VPS33B: variants seen among roughly 807,000 people sequenced by gnomAD.
VPS33B encodes VPS33B late endosome and lysosome associated.
A neutral mutation model predicts 95.3 loss-of-function variants in VPS33B; 80 were observed. The observed-to-expected ratio is 0.84, with a 90% CI of 0.70 to 1.01. The LOEUF (loss-of-function observed/expected upper bound fraction) is 1.01. Among genes scored for constraint, VPS33B ranks in the 50% least tolerant of loss-of-function variants. The pLI, the probability that VPS33B is intolerant of heterozygous loss-of-function variation, is 0.00. For synonymous variants in VPS33B, 280 were observed against 280.4 expected, an observed-to-expected ratio of 1.00 and a Z score of 0.01; for missense variants, 715 against 773.4, an observed-to-expected ratio of 0.92 and a Z score of 0.90.
intron 2 of VPS33B, 64 bp downstream of exon 2, chr15:91,017,741 T>C: frequency 6.8e-7 from 1 of 1,476,566 alleles, no homozygotes; most frequent in East Asian, 2.3e-5. Flanking sequence ...CAGTAGTTTG[T>C]ATTGTTCATC....
In VPS33B at chr15:91,010,120, CTTCAAAAGG is replaced by C. The variant is rs140099541; in HGVS notation, c.358-283_358-275del. On this transcript the variant is annotated intron_variant, in intron 5 of 22. Coordinates refer to ENST00000333371, the MANE Select transcript of VPS33B (RefSeq NM_018668.5). This position sits in a 1 kb window ranked among gnomAD's most constrained non-coding sequence, Gnocchi z 5.7. ...TACAAAGGAGAAGGAGTTCAGCTGT[CTTCAAAAGG>C]TAAGTTGTACAGACAGAGATGAGAG... Among the ~76,000 whole-genome samples the C allele has an allele frequency of 0.01, 1,552 of 152,294 alleles. 25 individuals are homozygous for C. Among genetic ancestry groups the C allele is most frequent in the African/African-American group, 0.035 (1,456 of 41,550 alleles).
chr15:91,000,400 T>TAAAAA lies in VPS33B; in HGVS notation c.1581+85_1581+89dup. On this transcript the variant is annotated intron_variant, in intron 20 of 22. Transcript: ENST00000333371. This position sits in a 1 kb window ranked among gnomAD's most constrained non-coding sequence, Gnocchi z 4.9. ...TGACAGAGCAAGACTCCATCTCAAA[T>TAAAAA]AAAAAAAAAAAAACATTGAGACACG... is the stretch of plus-strand genomic sequence containing the variant. 9.7e-7 allele frequency: 1 copy of TAAAAA among 1,029,588 alleles called. No homozygotes were observed. Among genetic ancestry groups the TAAAAA allele is most frequent in the Non-Finnish European group, 1.4e-6 (1 of 733,996 alleles). The allele number at this position is 1,029,588 out of a possible 1,614,324, so 63.8% of individuals were successfully genotyped here. A position where few individuals can be genotyped will look rare whatever the true frequency, so the allele number is the denominator to read the frequency against.
intron 4 of VPS33B, 137 bp downstream of exon 4, chr15:91,014,247 C>T (rs945775459): frequency 1.5e-5 from 11 of 725,856 alleles, no homozygotes; most frequent in South Asian, 3.5e-5. Context: ...AAAAAAGAAG[C>T]GGGGAAGCAG....
rs368749853 is a variant in VPS33B, at chr15:91,007,890, A to G, written c.478T>C (p.Phe160Leu). 5.6e-6 allele frequency: 9 copies of G among 1,614,068 alleles called. No homozygotes were observed. In the African/African-American group the frequency reaches 1.1e-4, roughly 19 times the overall value. Residue 160 changes from phenylalanine to leucine, a missense_variant, in exon 7 of 23, where the codon TTT becomes CTT. By Grantham distance (22) the Phe-to-Leu change is conservative. Transcript: ENST00000333371. The surrounding 1 kb of genome is among the most constrained non-coding windows in gnomAD (Gnocchi z 5.3). ...TTTACCAGAAAGTAATCCCTGAAAA[A>G]TTCTGGTAGTTCCATGCTCAGCAGA... The part of the protein sequence containing the change: ...VDLLSMELPE[F>L]FRDYFLEGDQ...
At chr15:91,021,463 A>C (rs1400149374) in intron 1 of VPS33B, among the ~76,000 whole-genome samples, 1 of 151,976 alleles carries the variant, frequency 6.6e-6, no homozygotes, top group African/African-American at 2.4e-5. Flanking sequence ...GTGGGCCTTT[A>C]TTTCTTGTCT....
Position 91,005,384 on chromosome 15 carries a change from C to T in VPS33B, c.1101G>A (p.Glu367=). The T allele has an allele frequency of 6.2e-7, 1 of 1,614,156 alleles. No homozygotes were observed. Among genetic ancestry groups the T allele is most frequent in the Non-Finnish European group, 8.5e-7 (1 of 1,180,020 alleles). Residue 367 remains glutamate, a synonymous_variant, in exon 14 of 23, where the codon GAG becomes GAA. Transcript: ENST00000333371. The surrounding 1 kb of genome is among the most constrained non-coding windows in gnomAD (Gnocchi z 6.4). ...KQDFQELIKT[E]HALLEGFNIR... Reference sequence around the variant, plus strand: ...CAGCAAGGCTGCGGCAGTTACCATGCTCAGTCTTGATTAGCTCCTGGAAAT... The same window carrying T: ...CAGCAAGGCTGCGGCAGTTACCATGTTCAGTCTTGATTAGCTCCTGGAAAT...
chr15:91,014,331 T>A, intron 4 of VPS33B, 53 bp downstream of exon 4: 2 of 1,596,640 alleles, frequency 1.3e-6, no homozygotes, highest in South Asian at 1.1e-5. Context: ...CCAAGGCCCT[T>A]AGATTTTGCC....
intron 3 of VPS33B, among the ~76,000 whole-genome samples, chr15:91,014,858 G>A (rs1596367237): frequency 6.6e-6 from 1 of 151,798 alleles, no homozygotes; most frequent in South Asian, 2.1e-4. Flanking sequence ...AAGCCAAGGT[G>A]AGAAGATTGC....
At chr15:91,001,309 CAAA>C (rs35353020) in intron 19 of VPS33B, 77 bp downstream of exon 19, 3,596 of 764,494 alleles carry the variant, frequency 4.7e-3, no homozygotes, top group Non-Finnish European at 5.2e-3. Context: ...GATTCCATCT[CAAA>C]AAAAAAAAAA....
intron 1 of VPS33B, among the ~76,000 whole-genome samples, chr15:91,020,028 C>T (rs759485339): frequency 1.3e-5 from 2 of 152,136 alleles, no homozygotes; most frequent in African/African-American, 4.8e-5. Flanking sequence ...TGGTCTCGAA[C>T]TCCCAACCTC....
Position 91,002,255 on chromosome 15 carries a change from G to A in VPS33B, c.1273-73C>T. 2 of 1,590,340 alleles carry A rather than the reference G, an allele frequency of 1.3e-6. No homozygotes were observed. The highest frequency in any genetic ancestry group is 2.3e-5 in the East Asian group (1 of 44,432). Reference sequence around the variant, plus strand: ...TAGTACTGTCAGGTACTACAGAGTTGAGCAGAAGGACTATGAAGCCTCTGC... The same window carrying A: ...TAGTACTGTCAGGTACTACAGAGTTAAGCAGAAGGACTATGAAGCCTCTGC... On this transcript the variant is annotated intron_variant, in intron 17 of 22. Coordinates refer to ENST00000333371, the MANE Select transcript of VPS33B (RefSeq NM_018668.5). The surrounding 1 kb of genome is among the most constrained non-coding windows in gnomAD (Gnocchi z 4.7).
intron 18 of VPS33B, 51 bp downstream of exon 18, chr15:91,001,999 G>C: frequency 6.2e-7 from 1 of 1,612,426 alleles, no homozygotes; most frequent in Non-Finnish European, 8.5e-7. Context: ...TGCGTGTTGA[G>C]AGAAGTCAGG....
In VPS33B at chr15:91,011,881, C is replaced by G. The variant is rs1299811129; in HGVS notation, c.357+1923G>C. On this transcript the variant is annotated intron_variant, in intron 5 of 22. Transcript: ENST00000333371. The surrounding 1 kb of genome is among the most constrained non-coding windows in gnomAD (Gnocchi z 5.5). Reference sequence around the variant, plus strand: ...GTGCACATCTGTAGTCCCAGCTACTCGGGAAGCTGAGGCAGGAGAATTGCT... The same window carrying G: ...GTGCACATCTGTAGTCCCAGCTACTGGGGAAGCTGAGGCAGGAGAATTGCT... Among the ~76,000 whole-genome samples the G allele has an allele frequency of 1.3e-5, 2 of 151,902 alleles. No individual in the cohort carries two copies. The highest frequency in any genetic ancestry group is 4.8e-5 in the African/African-American group (2 of 41,372).
Position 91,006,647 on chromosome 15 carries a change from C to T in VPS33B, c.778+5G>A. 6.2e-7 allele frequency: 1 copy of T among 1,614,224 alleles called. No individual in the cohort carries two copies. Among genetic ancestry groups the T allele is most frequent in the Non-Finnish European group, 8.5e-7 (1 of 1,180,042 alleles). On this transcript the variant is annotated splice_donor_5th_base_variant and intron_variant, in intron 10 of 22. Transcript: ENST00000333371. The surrounding 1 kb of genome is among the most constrained non-coding windows in gnomAD (Gnocchi z 5.4). Reference sequence around the variant, plus strand: ...TGCCAAGATGCAGAGGACCATAGCACTTACCACACTTGATGCGGAAGGTGT... The same window carrying T: ...TGCCAAGATGCAGAGGACCATAGCATTTACCACACTTGATGCGGAAGGTGT...
In VPS33B at chr15:91,010,898, T is replaced by C. The variant is rs2040760670; in HGVS notation, c.358-1052A>G. Reference sequence around the variant, plus strand: ...CAACGGAGACCTGAGGGAGACTAGATGAAACGATGAAGGTGGAGATGAGGA... The same window carrying C: ...CAACGGAGACCTGAGGGAGACTAGACGAAACGATGAAGGTGGAGATGAGGA... On this transcript the variant is annotated intron_variant, in intron 5 of 22. Transcript: ENST00000333371. The surrounding 1 kb of genome is among the most constrained non-coding windows in gnomAD (Gnocchi z 5.7). Among the ~76,000 whole-genome samples, 1 of 151,906 alleles carries C rather than the reference T, an allele frequency of 6.6e-6. No individual in the cohort carries two copies. The highest frequency in any genetic ancestry group is 6.6e-5 in the Admixed American group (1 of 15,250).
In VPS33B at chr15:91,007,778, T is replaced by G; in HGVS notation, c.498+92A>C. ...TATCACTTGTGATAAATTACTTGCG[T>G]TGGACAAAGGTTATATTGGTATTTC... On this transcript the variant is annotated intron_variant, in intron 7 of 22. Coordinates refer to ENST00000333371, the MANE Select transcript of VPS33B (RefSeq NM_018668.5). The surrounding 1 kb of genome is among the most constrained non-coding windows in gnomAD (Gnocchi z 5.3). 1 of 1,331,034 alleles carries G rather than the reference T, an allele frequency of 7.5e-7. No homozygotes were observed. The highest frequency in any genetic ancestry group is 1.2e-5 in the South Asian group (1 of 84,936). 82.5% of individuals were successfully genotyped at this position (1,331,034 alleles called of 1,614,324 possible).
Position 91,007,434 on chromosome 15 carries a change from G to A in VPS33B, c.603+35C>T, listed in dbSNP as rs59111238. 3.1e-3 allele frequency: 4,954 copies of A among 1,596,990 alleles called. 120 individuals carry two copies. In the African/African-American group the frequency reaches 0.055, roughly 18 times the overall value. On this transcript the variant is annotated intron_variant, in intron 8 of 22. Transcript: ENST00000333371. The surrounding 1 kb of genome is among the most constrained non-coding windows in gnomAD (Gnocchi z 5.3). ...GAGGGTACAGAACAGGGAAAACAGC[G>A]TCTGCTGGGACAACAGTACTGCTAG...
Position 91,007,012 on chromosome 15 carries a change from T to A in VPS33B, c.638A>T (p.Glu213Val), listed in dbSNP as rs780064072. The change falls in exon 9 of 23, where the codon GAG becomes GTG. Residue 213 changes from glutamate (E) to valine (V), a missense_variant. Physicochemically the swap from Glu to Val is moderately radical, Grantham distance 121 (BLOSUM62 -2). Transcript: ENST00000333371. The surrounding 1 kb of genome is among the most constrained non-coding windows in gnomAD (Gnocchi z 5.3). ...AYELWRNLEE[E>V]EDGETKGRRP... is the part of the protein sequence containing the mutation. Reference sequence around the variant, plus strand: ...TCGGCCCTTGGTTTCGCCATCCTCCTCCTCCTCCAGGTTCCTCCACAATTC... The same window carrying A: ...TCGGCCCTTGGTTTCGCCATCCTCCACCTCCTCCAGGTTCCTCCACAATTC... The A allele has an allele frequency of 6.2e-7, 1 of 1,613,644 alleles. No homozygotes were observed. Among genetic ancestry groups the A allele is most frequent in the Admixed American group, 1.7e-5 (1 of 60,024 alleles).
At position 91,022,169 on chromosome 15, in the gene VPS33B, G is replaced by C. The variant is rs769061531; in HGVS notation, c.81C>G (p.Ile27Met). The part of the protein sequence containing the change: ...MLKRLARDQL[I>M]YLLEQLPGKK... ...AAGCACTGACCTGCTCCAGCAGATAGATGAGCTGGTCTCGAGCCAGCCTCT... is the reference window on the plus strand; with the variant it reads ...AAGCACTGACCTGCTCCAGCAGATACATGAGCTGGTCTCGAGCCAGCCTCT... The change falls in exon 1 of 23, where the codon ATC becomes ATG. Residue 27 changes from isoleucine (I) to methionine (M), a missense_variant. Physicochemically the swap from Ile to Met is conservative, Grantham distance 10. Coordinates refer to ENST00000333371, the MANE Select transcript of VPS33B (RefSeq NM_018668.5). 2.6e-6 allele frequency: 4 copies of C among 1,566,160 alleles called. No homozygotes were observed. Among genetic ancestry groups the C allele is most frequent in the East Asian group, 2.4e-5 (1 of 42,188 alleles).
Sources: allele counts gnomAD v4.1 joint callset (sites outside exome capture counted in the v4.1 genomes callset), GRCh38; gene constraint gnomAD v4.1.1; non-coding constraint Gnocchi (gnomAD v3.1); transcripts MANE v1.5; gene names NCBI Gene and HGNC (gene_info 2026-07-23, HGNC 2026-07-21).